SVOPL: variants seen among roughly 807,000 people sequenced by gnomAD.
SVOPL encodes the protein putative transporter SVOPL.
A neutral mutation model predicts 61.0 loss-of-function variants in SVOPL; 60 were observed. The ratio of observed to expected loss-of-function variants is 0.98; its 90% CI spans 0.80 to 1.22. The LOEUF (loss-of-function observed/expected upper bound fraction) is 1.22. Ranked by LOEUF, SVOPL falls within the 50% of genes most tolerant of loss-of-function variation. SVOPL has a pLI of 0.00. For synonymous variants in SVOPL, 279 were observed against 250.0 expected, an observed-to-expected ratio of 1.12 and a Z score of -1.09; for missense variants, 662 against 643.9, an observed-to-expected ratio of 1.03 and a Z score of -0.30.
In SVOPL at chr7:138,604,218, C is replaced by T. The variant is rs116335291; in HGVS notation, c.1354-7688G>A. Among the ~76,000 whole-genome samples, 731 of 152,172 alleles carry T rather than the reference C, an allele frequency of 4.8e-3. 2 individuals carry two copies. The highest frequency in any genetic ancestry group is 0.017 in the African/African-American group (699 of 41,532). On this transcript the variant is annotated intron_variant, in intron 14 of 15. Transcript: ENST00000674285. ...GGATGAAGCAATCCTCCCACTTTGA[C>T]CTCCTAAAGCACTGAGAGTACAGGC...
At chr7:138,627,566 C>T (rs1799948577) in intron 11 of SVOPL, 105 bp from the exon 12 acceptor site, 2 of 799,420 alleles carry the variant, frequency 2.5e-6, no homozygotes, top group Non-Finnish European at 4.1e-6. Flanking sequence ...GAAGCAACTT[C>T]ATCCAAACCT....
intron 8 of SVOPL, among the ~76,000 whole-genome samples, chr7:138,647,931 T>C (rs1446264774): frequency 6.6e-6 from 1 of 152,094 alleles, no homozygotes; most frequent in Non-Finnish European, 1.5e-5. Context: ...GATGCCTGTA[T>C]TGAGTCGAGG....
chr7:138,668,100 A>G (rs372459065), intron 4 of SVOPL, among the ~76,000 whole-genome samples: 3 of 152,090 alleles, frequency 2.0e-5, no homozygotes, highest in Non-Finnish European at 2.9e-5. Context: ...AGCTGGTACC[A>G]CCCAGACCAA....
At position 138,613,982 on chromosome 7, in the gene SVOPL, C is replaced by G. The variant is rs536885498; in HGVS notation, c.1353+7064G>C. On this transcript the variant is annotated intron_variant, in intron 14 of 15. Transcript: ENST00000674285. ...CTCCAGCACACCACTGGCACCTCAT[C>G]TGGCTTATTGATTACTGCAAATAAA... Among the ~76,000 whole-genome samples the G allele has an allele frequency of 3.3e-5, 5 of 152,304 alleles. No individual in the cohort carries two copies. The South Asian group carries it at 8.3e-4, about 25-fold the overall frequency.
chr7:138,684,934 C>CTTT (rs201231483), intron 1 of SVOPL, among the ~76,000 whole-genome samples: 3,551 of 140,082 alleles, frequency 0.025, 88 homozygotes, highest in South Asian at 0.092. Context: ...TTTTTCTTTT[C>CTTT]TTTTTTTTTT....
At chr7:138,606,726 G>T (rs1798774908) in intron 14 of SVOPL, among the ~76,000 whole-genome samples, 1 of 152,186 alleles carries the variant, frequency 6.6e-6, no homozygotes, top group Admixed American at 6.5e-5. Context: ...GGCGGAGGCA[G>T]GTGGATCACC....
chr7:138,626,557 T>C (rs1799901651), intron 12 of SVOPL, among the ~76,000 whole-genome samples: 1 of 152,100 alleles, frequency 6.6e-6, no homozygotes, highest in Non-Finnish European at 1.5e-5. Flanking sequence ...CACACTCAGC[T>C]AATTTTTGTA....
Position 138,656,188 on chromosome 7 carries a change from C to T in SVOPL, c.534+260G>A, listed in dbSNP as rs563691775. ...TCAGAAGATCATTAGAATTTATCAG[C>T]AATCAAGTATTTTAAAATTAAGGTG... On this transcript the variant is annotated intron_variant, in intron 7 of 15. Coordinates refer to ENST00000674285, the MANE Select transcript of SVOPL (RefSeq NM_001139456.2). Among the ~76,000 whole-genome samples the T allele has an allele frequency of 2.0e-5, 3 of 152,318 alleles. No individual in the cohort carries two copies. In the South Asian group the frequency reaches 6.2e-4, roughly 32 times the overall value.
intron 7 of SVOPL, among the ~76,000 whole-genome samples, chr7:138,653,287 G>T (rs1801528296): frequency 6.6e-6 from 1 of 152,192 alleles, no homozygotes; most frequent in Non-Finnish European, 1.5e-5. Context: ...GGTGCAGGTG[G>T]CTACTACACT....
intron 9 of SVOPL, among the ~76,000 whole-genome samples, chr7:138,641,409 G>C (rs896814691): frequency 2.0e-5 from 3 of 151,912 alleles, no homozygotes; most frequent in Admixed American, 6.6e-5. Flanking sequence ...GGGGCCTCAC[G>C]CCTGTAATCC....
At chr7:138,609,723 G>GGT (rs1360040929) in intron 14 of SVOPL, among the ~76,000 whole-genome samples, 1 of 150,708 alleles carries the variant, frequency 6.6e-6, no homozygotes, top group African/African-American at 2.4e-5. Context: ...TTTTTTTGGG[G>GGT]GGGGTGGGGG....
chr7:138,603,119 A>T (rs1231696663), intron 14 of SVOPL, among the ~76,000 whole-genome samples: 1 of 152,186 alleles, frequency 6.6e-6, no homozygotes, highest in Non-Finnish European at 1.5e-5. Context: ...GAGACAAAAC[A>T]TATGTATATG....
At chr7:138,663,180 G>A (rs1802075607) in intron 4 of SVOPL, 35 bp from the exon 5 acceptor site, 2 of 1,603,026 alleles carry the variant, frequency 1.2e-6, no homozygotes, top group South Asian at 2.2e-5. Flanking sequence ...GGTTCTCTAA[G>A]CAGGTTTTAC....
chr7:138,642,848 A>AAAAAAAAAAAAAGAAG (rs1437306629), intron 9 of SVOPL, among the ~76,000 whole-genome samples: 4 of 35,442 alleles, frequency 1.1e-4, no homozygotes, highest in African/African-American at 2.2e-4. Flanking sequence ...AAAAAAAAAA[A>AAAAAAAAAAAAAGAAG]AAGAAGAAAC....
chr7:138,674,855 CAAAAA>C lies in SVOPL; in HGVS notation c.175-2743_175-2739del, dbSNP rs34086254. On this transcript the variant is annotated intron_variant, in intron 3 of 15. Coordinates refer to ENST00000674285, the MANE Select transcript of SVOPL (RefSeq NM_001139456.2). Reference sequence around the variant, plus strand: ...TGGGCAACGGAGTGAGACTCCATCTCAAAAAAAAAAAAAAAAGATACTTGAAGACC... The same window carrying C: ...TGGGCAACGGAGTGAGACTCCATCTCAAAAAAAAAAAGATACTTGAAGACC... 2.2e-5 allele frequency among the ~76,000 whole-genome samples: 3 copies of C among 134,418 alleles called. No homozygotes were observed. In the Admixed American group the frequency reaches 2.3e-4, roughly 10 times the overall value. 88.2% of individuals were successfully genotyped at this position (134,418 alleles called of 152,430 possible). A position where few individuals can be genotyped will look rare whatever the true frequency, so the allele number is the denominator to read the frequency against.
chr7:138,619,483 G>A (rs1799450220), intron 14 of SVOPL, among the ~76,000 whole-genome samples: 1 of 132,088 alleles, frequency 7.6e-6, no homozygotes, highest in Admixed American at 8.8e-5. Flanking sequence ...AAGGAATTTT[G>A]AAAAGTAAAA....
chr7:138,680,168 C>CT (rs1232394704), intron 1 of SVOPL, among the ~76,000 whole-genome samples: 2,164 of 135,242 alleles, frequency 0.016, 16 homozygotes, highest in East Asian at 0.044. Flanking sequence ...ATGTCATTGT[C>CT]TTTTTTTTTT....
intron 15 of SVOPL, among the ~76,000 whole-genome samples, chr7:138,595,293 G>A (rs1030691169): frequency 2.6e-5 from 4 of 152,132 alleles, no homozygotes; most frequent in Non-Finnish European, 5.9e-5. Flanking sequence ...GGTTTCATAT[G>A]GTAACCACTC....
rs138640010 is a variant in SVOPL at position 138,670,649 on chromosome 7, T to C, written c.273+1370A>G. Among the ~76,000 whole-genome samples the C allele has an allele frequency of 3.0e-3, 453 of 152,282 alleles. 4 individuals carry two copies. Among genetic ancestry groups the C allele is most frequent in the African/African-American group, 0.011 (437 of 41,566 alleles). ...TTTAAAAAATGCTTGCCTCCAAATT[T>C]TCAGGGAGGCTGATACAATAAAATT... On this transcript the variant is annotated intron_variant, in intron 4 of 15. Coordinates refer to ENST00000674285, the MANE Select transcript of SVOPL (RefSeq NM_001139456.2).
Sources: allele counts gnomAD v4.1 joint callset (sites outside exome capture counted in the v4.1 genomes callset), GRCh38; gene constraint gnomAD v4.1.1; transcripts MANE v1.5; gene names NCBI Gene and HGNC (gene_info 2026-07-23, HGNC 2026-07-21).